Variants in BMP4 observed in about 807,000 individuals in gnomAD.
The protein encoded by BMP4 is bone morphogenetic protein 2B.
A neutral mutation model predicts 29.6 loss-of-function variants in BMP4; 3 were observed. That is an observed-to-expected ratio of 0.10 (90% confidence interval 0.05 to 0.26). BMP4 has a LOEUF of 0.26. Among genes scored for constraint, BMP4 ranks in the 10% least tolerant of loss-of-function variants. The pLI is 1.00. For missense variants in BMP4, 455 were observed against 550.2 expected, an observed-to-expected ratio of 0.83 and a Z score of 1.73; for synonymous variants, 197 against 213.2, an observed-to-expected ratio of 0.92 and a Z score of 0.66.
chr14:53,956,851 T>G (rs1328550373), upstream of BMP4: 6 of 395,544 alleles, frequency 1.5e-5, no homozygotes, highest in African/African-American at 8.2e-5. Flanking sequence ...TCCCTCGCTT[T>G]CTTTCTTTCC....
rs959584975 is a variant in BMP4, at chr14:53,955,077, A to G, written c.-133+1473T>C. Among the ~76,000 whole-genome samples the G allele has an allele frequency of 8.5e-5, 13 of 152,208 alleles. No homozygotes were observed. Among genetic ancestry groups the G allele is most frequent in the South Asian group, 2.1e-4 (1 of 4,832 alleles). On this transcript the variant is annotated intron_variant, in intron 1 of 3. Coordinates refer to ENST00000245451, the MANE Select transcript of BMP4 (RefSeq NM_001202.6). This position sits in a 1 kb window ranked among gnomAD's most constrained non-coding sequence, Gnocchi z 4.0. ...TGCGCGACCGTCCGCGCCCGGCAAGAGCCGCGCGGCTTTCGCCTTTGCTGG... is the reference window on the plus strand; with the variant it reads ...TGCGCGACCGTCCGCGCCCGGCAAGGGCCGCGCGGCTTTCGCCTTTGCTGG...
chr14:53,952,161 G>T lies in BMP4; in HGVS notation c.62C>A (p.Ala21Glu), dbSNP rs757138929. The change falls in exon 3 of 4, where the codon GCG (alanine) becomes GAG (glutamate). Residue 21 changes from alanine to glutamate, a missense_variant. Ala to Glu is a moderately radical substitution (Grantham distance 107, BLOSUM62 -1). This residue lies in a region of BMP4 where 249 missense variants were observed against 284.6 expected (regional missense o/e 0.87). Coordinates refer to ENST00000245451, the MANE Select transcript of BMP4 (RefSeq NM_001202.6). ...VLLCQVLLGG[A>E]SHASLIPETG... is the part of the protein sequence containing the mutation. ...CTCAGGTATCAAACTAGCATGGCTC[G>T]CGCCTCCTAGCAGGACTTGGCATAA... 1 of 1,613,978 alleles carries T rather than the reference G, an allele frequency of 6.2e-7. No homozygotes were observed. The highest frequency in any genetic ancestry group is 1.3e-5 in the African/African-American group (1 of 75,032).
rs1177781582 is a variant in BMP4, at chr14:53,950,723, T to C, written c.536A>G (p.Asn179Ser). The C allele has an allele frequency of 6.2e-7, 1 of 1,614,044 alleles. No homozygotes were observed. Among genetic ancestry groups the C allele is most frequent in the African/African-American group, 1.3e-5 (1 of 74,936 alleles). Residue 179 changes from asparagine (N) to serine (S), a missense_variant, in exon 4 of 4, where the codon AAC (asparagine) becomes AGC (serine). Asn to Ser is a conservative substitution (Grantham distance 46). Transcript: ENST00000245451. This position sits in a 1 kb window ranked among gnomAD's most constrained non-coding sequence, Gnocchi z 5.4. ...PDWERGFHRI[N>S]IYEVMKPPAE... ...TGGGGGCTTCATAACCTCATAAATG[T>C]TTATACGGTGGAAGCCCCTTTCCCA...
At position 53,955,590 on chromosome 14, in the gene BMP4, A is replaced by C. The variant is rs139324463; in HGVS notation, c.-133+960T>G. On this transcript the variant is annotated intron_variant, in intron 1 of 3. Transcript: ENST00000245451. The surrounding 1 kb of genome is among the most constrained non-coding windows in gnomAD (Gnocchi z 4.0). ...TACAGGTAGCCTCAGTTTACCAAGT[A>C]TGTATCTTTTGGGGGTTTAACCTCT... The C allele has an allele frequency of 6.6e-6, 1 of 152,320 alleles. No homozygotes were observed. Among genetic ancestry groups the C allele is most frequent in the Non-Finnish European group, 1.5e-5 (1 of 68,054 alleles). 9.4% of individuals were successfully genotyped at this position (152,320 alleles called of 1,614,324 possible). A position where few individuals can be genotyped will look rare whatever the true frequency, so the allele number is the denominator to read the frequency against.
chr14:53,950,690 A>T lies in BMP4; in HGVS notation c.569T>A (p.Val190Glu). 1 of 1,614,220 alleles carries T rather than the reference A, an allele frequency of 6.2e-7. No individual in the cohort carries two copies. Among genetic ancestry groups the T allele is most frequent in the East Asian group, 2.2e-5 (1 of 44,872 alleles). ...IYEVMKPPAE[V>E]VPGHLITRLL... is the part of the protein sequence containing the mutation. ...TCGTGTGATGAGGTGCCCAGGCACC[A>T]CTTCTGCTGGGGGCTTCATAACCTC... The change falls in exon 4 of 4, where the codon GTG becomes GAG. Residue 190 changes from valine (V) to glutamate (E), a missense_variant. Val to Glu is a moderately radical substitution (Grantham distance 121). Around this residue, in one of 4 missense-constraint regions of BMP4, gnomAD observed 249 missense variants for 284.6 expected, o/e 0.87. Coordinates refer to ENST00000245451, the MANE Select transcript of BMP4 (RefSeq NM_001202.6). The surrounding 1 kb of genome is among the most constrained non-coding windows in gnomAD (Gnocchi z 5.4).
In BMP4 at chr14:53,952,055, G is replaced by A; in HGVS notation, c.168C>T (p.Asp56=). 6.2e-7 allele frequency: 1 copy of A among 1,614,192 alleles called. No homozygotes were observed. The highest frequency in any genetic ancestry group is 1.3e-5 in the African/African-American group (1 of 75,064). The change falls in exon 3 of 4, where the codon GAC becomes GAT. Residue 56 remains aspartate, a synonymous_variant. Coordinates refer to ENST00000245451, the MANE Select transcript of BMP4 (RefSeq NM_001202.6). ...ACATCTGCAGAAGTGTCGCCTCGAA[G>A]TCCCGCAGGAGCTCATGGCTCTGCC... ...RSGQSHELLR[D]FEATLLQMFG...
In BMP4 at chr14:53,949,934, T is replaced by G; in HGVS notation, c.*98A>C. The G allele has an allele frequency of 3.9e-6, 5 of 1,277,700 alleles. No homozygotes were observed. The highest frequency in any genetic ancestry group is 1.5e-5 in the African/African-American group (1 of 67,582). The allele number at this position is 1,277,700 out of a possible 1,614,324, so 79.1% of individuals were successfully genotyped here. On this transcript the variant is annotated 3_prime_UTR_variant, in exon 4 of 4. Coordinates refer to ENST00000245451, the MANE Select transcript of BMP4 (RefSeq NM_001202.6). ...AGTCCAGCTATAAGGAAGCAGTCTG[T>G]GTAGTGTGTGGGTGAGTGGATGGGA...
Position 53,952,236 on chromosome 14 carries a change from A to G in BMP4, c.-7-7T>C, listed in dbSNP as rs1895476008. 1 of 1,612,406 alleles carries G rather than the reference A, an allele frequency of 6.2e-7. No homozygotes were observed. The highest frequency in any genetic ancestry group is 2.2e-5 in the East Asian group (1 of 44,848). ...ACCAGGAATCATGGTGTCTCTGGGG[A>G]GGGGGAGGGGAGTGGAAGGTTAAAG... On this transcript the variant is annotated splice_region_variant and splice_polypyrimidine_tract_variant and intron_variant, in intron 2 of 3. Coordinates refer to ENST00000245451, the MANE Select transcript of BMP4 (RefSeq NM_001202.6).
In BMP4 at chr14:53,950,910, G is replaced by C; in HGVS notation, c.371-22C>G. ...TGTTCTAGGCACAGTTAGGAAGGAA[G>C]GGGAAAAGAAAAAGCATATGAACTT... On this transcript the variant is annotated intron_variant, in intron 3 of 3. Coordinates refer to ENST00000245451, the MANE Select transcript of BMP4 (RefSeq NM_001202.6). The surrounding 1 kb of genome is among the most constrained non-coding windows in gnomAD (Gnocchi z 5.4). The C allele has an allele frequency of 6.3e-7, 1 of 1,599,520 alleles. No individual in the cohort carries two copies. Among genetic ancestry groups the C allele is most frequent in the Non-Finnish European group, 8.5e-7 (1 of 1,179,944 alleles).
At position 53,954,793 on chromosome 14, in the gene BMP4, C is replaced by A. The variant is rs1895644023; in HGVS notation, c.-132-1393G>T. Among the ~76,000 whole-genome samples, 1 of 152,126 alleles carries A rather than the reference C, an allele frequency of 6.6e-6. No individual in the cohort carries two copies. The highest frequency in any genetic ancestry group is 2.1e-4 in the South Asian group (1 of 4,826). On this transcript the variant is annotated intron_variant, in intron 1 of 3. Coordinates refer to ENST00000245451, the MANE Select transcript of BMP4 (RefSeq NM_001202.6). The surrounding 1 kb of genome is among the most constrained non-coding windows in gnomAD (Gnocchi z 4.8). Reference sequence around the variant, plus strand: ...CGGGGCCCGGGCCCCATGACTCCTGCCCCAAAGCCCACTCCACCCGACCTC... The same window carrying A: ...CGGGGCCCGGGCCCCATGACTCCTGACCCAAAGCCCACTCCACCCGACCTC...
In BMP4 at chr14:53,950,669, G is replaced by A. The variant is rs766768360; in HGVS notation, c.590C>T (p.Thr197Ile). ...GACCAGTCTCGTGTCCAGTAGTCGT[G>A]TGATGAGGTGCCCAGGCACCACTTC... ...PAEVVPGHLI[T>I]RLLDTRLVHH... Residue 197 changes from threonine (T) to isoleucine (I), a missense_variant, in exon 4 of 4, where the codon ACA (threonine) becomes ATA (isoleucine). By Grantham distance (89) the Thr-to-Ile change is moderately conservative. This residue lies in a region of BMP4 where 249 missense variants were observed against 284.6 expected (regional missense o/e 0.87). Coordinates refer to ENST00000245451, the MANE Select transcript of BMP4 (RefSeq NM_001202.6). This position sits in a 1 kb window ranked among gnomAD's most constrained non-coding sequence, Gnocchi z 5.4. The A allele has an allele frequency of 1.4e-5, 23 of 1,614,146 alleles. No homozygotes were observed. In the African/African-American group the frequency reaches 2.9e-4, roughly 21 times the overall value.
In BMP4 at chr14:53,949,875, A is replaced by AT. The variant is rs1036554906; in HGVS notation, c.*156dup. ...ATAAGGTCAAGGTGAATGTTTAGGG[A>AT]TTTTTTCCTTTTTTTTTTTTTTTTT... On this transcript the variant is annotated 3_prime_UTR_variant, in exon 4 of 4. Coordinates refer to ENST00000245451, the MANE Select transcript of BMP4 (RefSeq NM_001202.6). 102 of 754,430 alleles carry AT rather than the reference A, an allele frequency of 1.4e-4. No homozygotes were observed. Among genetic ancestry groups the AT allele is most frequent in the East Asian group, 2.8e-4 (10 of 36,256 alleles). 46.7% of individuals were successfully genotyped at this position (754,430 alleles called of 1,614,324 possible). A position where few individuals can be genotyped will look rare whatever the true frequency, so the allele number is the denominator to read the frequency against.
chr14:53,951,745 T>C (rs2140237151), intron 3 of BMP4, 108 bp downstream of exon 3: 5 of 1,493,332 alleles, frequency 3.3e-6, no homozygotes, highest in Non-Finnish European at 4.5e-6. Context: ...CTCAGCCTCC[T>C]GGACTGGGGC....
intron 3 of BMP4, chr14:53,951,643 C>T: frequency 1.4e-6 from 1 of 734,144 alleles, no homozygotes; most frequent in East Asian, 2.7e-5. Flanking sequence ...TGAGTGCTGT[C>T]ATTCCCCTTC....
Position 53,952,152 on chromosome 14 carries a change from G to A in BMP4, c.71C>T (p.Ala24Val). ...CTTCCCCGTCTCAGGTATCAAACTA[G>A]CATGGCTCGCGCCTCCTAGCAGGAC... ...CQVLLGGASHASLIPETGKKK... is the reference protein window; with the variant it reads ...CQVLLGGASHVSLIPETGKKK... The change falls in exon 3 of 4, where the codon GCT becomes GTT. Residue 24 changes from alanine (A) to valine (V), a missense_variant. Around this residue, in one of 4 missense-constraint regions of BMP4, gnomAD observed 249 missense variants for 284.6 expected, o/e 0.87. Transcript: ENST00000245451. The A allele has an allele frequency of 6.2e-7, 1 of 1,614,178 alleles. No individual in the cohort carries two copies. Among genetic ancestry groups the A allele is most frequent in the Non-Finnish European group, 8.5e-7 (1 of 1,180,018 alleles).
rs1895731608 is a variant in BMP4 at position 53,956,662 on chromosome 14, T to C, written c.-245A>G. The stretch of plus-strand genomic sequence containing the variant: ...TGTGGCGCTGCAGGCTCGAGATAGC[T>C]TGGACGGGAATCCCATCGGGGAGAC... On this transcript the variant is annotated 5_prime_UTR_variant, in exon 1 of 4. Transcript: ENST00000245451. The C allele has an allele frequency of 2.5e-6, 1 of 398,954 alleles. No homozygotes were observed. The highest frequency in any genetic ancestry group is 2.1e-5 in the African/African-American group (1 of 48,586). The allele number at this position is 398,954 out of a possible 1,614,324, so 24.7% of individuals were successfully genotyped here.
chr14:53,949,939 T>C lies in BMP4; in HGVS notation c.*93A>G, dbSNP rs996100106. On this transcript the variant is annotated 3_prime_UTR_variant, in exon 4 of 4. Transcript: ENST00000245451. ...AGCTATAAGGAAGCAGTCTGTGTAG[T>C]GTGTGGGTGAGTGGATGGGAACGTG... The C allele has an allele frequency of 4.4e-5, 60 of 1,349,046 alleles. No homozygotes were observed. The African/African-American group carries it at 7.1e-4, about 16-fold the overall frequency. The allele number at this position is 1,349,046 out of a possible 1,614,324, so 83.6% of individuals were successfully genotyped here. A position where few individuals can be genotyped will look rare whatever the true frequency, so the allele number is the denominator to read the frequency against.
At position 53,955,774 on chromosome 14, in the gene BMP4, C is replaced by T. The variant is rs1895694336; in HGVS notation, c.-133+776G>A. ...CCCGTCGGTTCCGGGCCTGGAGGGC[C>T]AGGAAGAGCCGCGCGTCCGCCTTTC... On this transcript the variant is annotated intron_variant, in intron 1 of 3. Transcript: ENST00000245451. This position sits in a 1 kb window ranked among gnomAD's most constrained non-coding sequence, Gnocchi z 4.0. The T allele has an allele frequency of 6.6e-6, 1 of 152,156 alleles. No homozygotes were observed. The highest frequency in any genetic ancestry group is 2.1e-4 in the South Asian group (1 of 4,822). The allele number at this position is 152,156 out of a possible 1,614,324, so 9.4% of individuals were successfully genotyped here. A position where few individuals can be genotyped will look rare whatever the true frequency, so the allele number is the denominator to read the frequency against.
In BMP4 at chr14:53,949,916, C is replaced by A. The variant is rs1895281343; in HGVS notation, c.*116G>T. The A allele has an allele frequency of 1.6e-5, 15 of 922,374 alleles. No homozygotes were observed. Among genetic ancestry groups the A allele is most frequent in the African/African-American group, 1.8e-5 (1 of 55,914 alleles). The allele number at this position is 922,374 out of a possible 1,614,324, so 57.1% of individuals were successfully genotyped here. On this transcript the variant is annotated 3_prime_UTR_variant, in exon 4 of 4. Transcript: ENST00000245451. ...TTTTTTTTTTTAAATAAAAGTCCAG[C>A]TATAAGGAAGCAGTCTGTGTAGTGT...
Sources: gnomAD v4.1 joint callset for allele counts (sites outside exome capture counted in the v4.1 genomes callset) on GRCh38, gnomAD v4.1.1 for gene constraint, gnomAD v4.1.1 regional missense constraint, Gnocchi (gnomAD v3.1) non-coding constraint, MANE v1.5 for transcripts, NCBI Gene and HGNC (gene_info 2026-07-23, HGNC 2026-07-21) for gene names.